The following GABPB1 variants were observed in gnomAD, a reference collection of about 807,000 sequenced individuals.
GABPB1 encodes the protein GA binding protein transcription factor subunit beta 1, also known as GA-binding protein subunit beta-1.
GABPB1 carries 15 observed loss-of-function variants against 45.9 expected under a neutral mutation model. The observed-to-expected ratio is 0.33, with a 90% confidence interval of 0.22 to 0.50. The LOEUF (loss-of-function observed/expected upper bound fraction) is 0.50, where lower values mean the gene tolerates loss of function less well. Ranked by LOEUF, GABPB1 falls within the 20% of genes least tolerant of loss-of-function variation. The pLI is 0.98. For missense variants in GABPB1, 252 were observed against 457.5 expected, an observed-to-expected ratio of 0.55 and a Z score of 4.10; for synonymous variants, 143 against 154.4, an observed-to-expected ratio of 0.93 and a Z score of 0.55.
chr15:50,304,689 T>C (rs8031431), intron 2 of GABPB1, among the ~76,000 whole-genome samples: 95,899 of 149,128 alleles, frequency 0.64, 31,984 homozygotes, highest in African/African-American at 0.82. Flanking sequence ...CCAGCCTGGG[T>C]GACACAGCGA....
chr15:50,299,679 G>A (rs1406585824), intron 6 of GABPB1, among the ~76,000 whole-genome samples: 2 of 152,160 alleles, frequency 1.3e-5, no homozygotes, highest in African/African-American at 4.8e-5. Context: ...GCTTACAGGA[G>A]CAAGCCACCG....
At chr15:50,295,190 G>T (rs770008407) in intron 6 of GABPB1, among the ~76,000 whole-genome samples, 2 of 152,136 alleles carry the variant, frequency 1.3e-5, no homozygotes, top group Non-Finnish European at 2.9e-5. Context: ...CTATCATTAT[G>T]ATAACTCTTC....
chr15:50,324,476 G>T (rs1459663028), intron 1 of GABPB1, among the ~76,000 whole-genome samples: 1 of 151,494 alleles, frequency 6.6e-6, no homozygotes, highest in Non-Finnish European at 1.5e-5. Flanking sequence ...TCAAAGGTGG[G>T]CTCCCCTGGC....
intron 1 of GABPB1, among the ~76,000 whole-genome samples, chr15:50,328,167 C>T (rs946617733): frequency 6.6e-6 from 1 of 151,412 alleles, no homozygotes; most frequent in African/African-American, 2.4e-5. Context: ...TTTGATTATA[C>T]ACATACCTAT....
At chr15:50,295,355 G>A (rs1259863835) in intron 6 of GABPB1, among the ~76,000 whole-genome samples, 1 of 152,068 alleles carries the variant, frequency 6.6e-6, no homozygotes, top group Non-Finnish European at 1.5e-5. Flanking sequence ...TGGCCTCTGG[G>A]TCCCCTAAAA....
chr15:50,286,125 T>C lies in GABPB1; in HGVS notation c.942A>G (p.Pro314=). 2 of 1,611,830 alleles carry C rather than the reference T, an allele frequency of 1.2e-6. No homozygotes were observed. The highest frequency in any genetic ancestry group is 1.1e-5 in the South Asian group (1 of 90,766). The change falls in exon 8 of 9, where the codon CCA becomes CCG. Residue 314 remains proline (P), a synonymous_variant. Coordinates refer to ENST00000380877, the MANE Select transcript of GABPB1 (RefSeq NM_016654.5). ...AEETVISEEP[P]AKRQCIEIIE... ...TTATTTCGATACATTGTCTCTTAGC[T>C]GGTGGTTCTTCACTTATAACAGTTT...
chr15:50,345,709 CATTT>C (rs2048545385), intron 1 of GABPB1, among the ~76,000 whole-genome samples: 1 of 100,864 alleles, frequency 9.9e-6, no homozygotes, highest in African/African-American at 4.1e-5. Flanking sequence ...GATGTCTGTA[CATTT>C]TTTTTTGTTT....
chr15:50,334,355 A>G (rs978595843), intron 1 of GABPB1, among the ~76,000 whole-genome samples: 10 of 151,716 alleles, frequency 6.6e-5, no homozygotes, highest in African/African-American at 2.4e-4. Context: ...ATATTTCCCA[A>G]CTTTTTGCCT....
rs2046806410 is a variant in GABPB1, at chr15:50,302,839, CAA to C, written c.471+88_471+89del. 5.8e-6 allele frequency: 5 copies of C among 859,330 alleles called. No homozygotes were observed. In the South Asian group the frequency reaches 8.3e-5, roughly 14 times the overall value. The allele number at this position is 859,330 out of a possible 1,614,324, so 53.2% of individuals were successfully genotyped here. A position where few individuals can be genotyped will look rare whatever the true frequency, so the allele number is the denominator to read the frequency against. On this transcript the variant is annotated intron_variant, in intron 4 of 8. Transcript: ENST00000380877. Reference sequence around the variant, plus strand: ...TAAGTCCAAAATGAAAGGCTACAAACAATAGTTTAAATCATGCACAATATAAG... The same window carrying C: ...TAAGTCCAAAATGAAAGGCTACAAACTAGTTTAAATCATGCACAATATAAG...
At chr15:50,323,313 A>G (rs2047640269) in intron 1 of GABPB1, among the ~76,000 whole-genome samples, 1 of 152,198 alleles carries the variant, frequency 6.6e-6, no homozygotes, top group Non-Finnish European at 1.5e-5. Context: ...AGTTCCTGCT[A>G]GCCCATCATT....
At chr15:50,326,815 A>C (rs11853236) in intron 1 of GABPB1, among the ~76,000 whole-genome samples, 74,426 of 151,422 alleles carry the variant, frequency 0.49, 19,383 homozygotes, top group Middle Eastern at 0.65. Context: ...GCCTAGGCAA[A>C]AGAGCAAGAC....
rs1001734352 is a variant in GABPB1, at chr15:50,292,055, C to G, written c.698-2387G>C. 2.0e-5 allele frequency among the ~76,000 whole-genome samples: 3 copies of G among 151,982 alleles called. No individual in the cohort carries two copies. The East Asian group carries it at 5.8e-4, about 30-fold the overall frequency. ...GACAAGTTAAGATAAATCATTGCGG[C>G]CGGGCGCGGTGGCTCATGCCTGTAA... On this transcript the variant is annotated intron_variant, in intron 6 of 8. Transcript: ENST00000380877.
At chr15:50,341,276 GTAATCCC>G (rs2048367350) in intron 1 of GABPB1, among the ~76,000 whole-genome samples, 2 of 152,232 alleles carry the variant, frequency 1.3e-5, no homozygotes, top group East Asian at 3.9e-4. Context: ...GCTCACACCT[GTAATCCC>G]AGCACTTTGG....
In GABPB1 at chr15:50,305,783, G is replaced by A. The variant is rs552743895; in HGVS notation, c.109-1650C>T. ...CAAAATATATATACATATATGCAGG[G>A]TTTTTTGTTTTTTTCTGAGACAGGG... On this transcript the variant is annotated intron_variant, in intron 2 of 8. Coordinates refer to ENST00000380877, the MANE Select transcript of GABPB1 (RefSeq NM_016654.5). Among the ~76,000 whole-genome samples, 21 of 151,866 alleles carry A rather than the reference G, an allele frequency of 1.4e-4. No individual in the cohort carries two copies. The South Asian group carries it at 4.2e-3, about 30-fold the overall frequency.
chr15:50,294,793 C>CT (rs1208985893), intron 6 of GABPB1, among the ~76,000 whole-genome samples: 1 of 151,910 alleles, frequency 6.6e-6, no homozygotes, highest in Non-Finnish European at 1.5e-5. Context: ...TATTGTTTTT[C>CT]TTTTTTTAAC....
At chr15:50,281,550 G>A (rs1316237478) in intron 8 of GABPB1, among the ~76,000 whole-genome samples, 1 of 152,206 alleles carries the variant, frequency 6.6e-6, no homozygotes, top group Non-Finnish European at 1.5e-5. Flanking sequence ...CAGGATATGT[G>A]AGCTATTTGC....
At chr15:50,281,086 G>A (rs902987994) in intron 8 of GABPB1, among the ~76,000 whole-genome samples, 3 of 152,108 alleles carry the variant, frequency 2.0e-5, no homozygotes, top group Non-Finnish European at 4.4e-5. Flanking sequence ...CTGCCTACCA[G>A]GTGAAATAAA....
chr15:50,322,239 T>G (rs965184598), intron 1 of GABPB1, among the ~76,000 whole-genome samples: 3 of 151,970 alleles, frequency 2.0e-5, no homozygotes, highest in Non-Finnish European at 4.4e-5. Flanking sequence ...TTCAAAGGTT[T>G]CAAATGGGTA....
chr15:50,289,346 C>T (rs2046269263), intron 7 of GABPB1, 137 bp downstream of exon 7: 2 of 571,586 alleles, frequency 3.5e-6, no homozygotes, highest in East Asian at 6.0e-5. Context: ...GGCAAAAATA[C>T]ATTCTTTGGA....
Sources: allele counts gnomAD v4.1 joint callset (sites outside exome capture counted in the v4.1 genomes callset), GRCh38; gene constraint gnomAD v4.1.1; transcripts MANE v1.5; gene names NCBI Gene and HGNC (gene_info 2026-07-23, HGNC 2026-07-21).